Variants in GAS2 observed in about 807,000 individuals in gnomAD.
GAS2 encodes the protein growth arrest-specific protein 2.
A neutral mutation model predicts 37.5 loss-of-function variants in GAS2; 20 were observed. The ratio of observed to expected loss-of-function variants is 0.53; its 90% CI spans 0.37 to 0.77. The LOEUF (loss-of-function observed/expected upper bound fraction) is 0.77, where lower values mean the gene tolerates loss of function less well. GAS2 is among the 30% of genes least tolerant of loss of function. The pLI is 0.00. For synonymous variants in GAS2, 144 were observed against 132.2 expected (o/e 1.09, Z -0.61); for missense variants, 336 against 373.4 (o/e 0.90, Z 0.82).
intron 3 of GAS2, among the ~76,000 whole-genome samples, chr11:22,724,584 G>A (rs952469613): frequency 3.9e-5 from 6 of 151,940 alleles, no homozygotes; most frequent in Non-Finnish European, 5.9e-5. Flanking sequence ...ATCTAGGAAA[G>A]CATTCTTTTG....
At chr11:22,811,452 G>T (rs1857161235) in intron 7 of GAS2, among the ~76,000 whole-genome samples, 1 of 152,162 alleles carries the variant, frequency 6.6e-6, no homozygotes, top group African/African-American at 2.4e-5. Flanking sequence ...GGAGCACTAA[G>T]CTGAGTCAGT....
At chr11:22,763,168 A>G (rs1473393032) in intron 7 of GAS2, among the ~76,000 whole-genome samples, 1 of 152,214 alleles carries the variant, frequency 6.6e-6, no homozygotes, top group African/African-American at 2.4e-5. Flanking sequence ...TTAAATCATC[A>G]CAGATCAATA....
intron 3 of GAS2, chr11:22,702,103 T>C (rs1850872777): frequency 6.6e-6 from 1 of 152,216 alleles, no homozygotes; most frequent in Non-Finnish European, 1.5e-5. Context: ...AAAGTGCTTA[T>C]GTATGGACCT....
intron 7 of GAS2, among the ~76,000 whole-genome samples, chr11:22,783,292 T>C (rs1855658401): frequency 6.6e-6 from 1 of 152,222 alleles, no homozygotes; most frequent in Admixed American, 6.5e-5. Flanking sequence ...TGGGGCTATT[T>C]GTTTTTTGCC....
At chr11:22,658,810 A>G (rs1056676620) in intron 1 of GAS2, among the ~76,000 whole-genome samples, 17 of 152,180 alleles carry the variant, frequency 1.1e-4, no homozygotes, top group Admixed American at 1.3e-4. Flanking sequence ...CTCTCCTCTC[A>G]TTTATTGATT....
chr11:22,648,306 A>G (rs1448311463), intron 1 of GAS2, among the ~76,000 whole-genome samples: 3 of 152,136 alleles, frequency 2.0e-5, no homozygotes, highest in African/African-American at 7.2e-5. Flanking sequence ...TACCAATACC[A>G]TGCTGTTTTG....
At chr11:22,632,218 T>A (rs1858753723) in intron 1 of GAS2, among the ~76,000 whole-genome samples, 1 of 152,180 alleles carries the variant, frequency 6.6e-6, no homozygotes, top group Non-Finnish European at 1.5e-5. Flanking sequence ...TCTCTTCTTT[T>A]CTTGGTTAAA....
chr11:22,698,271 G>T (rs1850644279), intron 3 of GAS2, among the ~76,000 whole-genome samples: 1 of 152,172 alleles, frequency 6.6e-6, no homozygotes, highest in Admixed American at 6.5e-5. Context: ...AAATCTTGAA[G>T]AAATGGATAA....
intron 7 of GAS2, among the ~76,000 whole-genome samples, chr11:22,758,422 GAC>G (rs1854169476): frequency 6.6e-6 from 1 of 152,142 alleles, no homozygotes; most frequent in African/African-American, 2.4e-5. Context: ...TACATACAAT[GAC>G]ACATACATTG....
At chr11:22,729,673 T>TA (rs1328428931) in intron 4 of GAS2, among the ~76,000 whole-genome samples, 1 of 148,888 alleles carries the variant, frequency 6.7e-6, no homozygotes, top group Non-Finnish European at 1.5e-5. Flanking sequence ...ATTAAGATGT[T>TA]AAAATGTTGG....
chr11:22,737,828 A>G (rs1045879713), intron 5 of GAS2, 60 bp downstream of exon 5: 4 of 1,457,638 alleles, frequency 2.7e-6, no homozygotes, highest in East Asian at 2.3e-5. Context: ...CAAGCAACAC[A>G]GAAGCTTGCT....
chr11:22,804,509 G>C (rs749018250), intron 7 of GAS2, among the ~76,000 whole-genome samples: 3 of 152,094 alleles, frequency 2.0e-5, no homozygotes, highest in Non-Finnish European at 4.4e-5. Context: ...GAGGTAGAGG[G>C]CAGAAGCAAA....
At chr11:22,729,244 A>G (rs1025276526) in intron 4 of GAS2, among the ~76,000 whole-genome samples, 2 of 151,954 alleles carry the variant, frequency 1.3e-5, no homozygotes, top group Admixed American at 1.3e-4. Flanking sequence ...TGCATAAAGC[A>G]TCCTTATCCT....
At chr11:22,644,919 C>G (rs1015999978) in intron 1 of GAS2, among the ~76,000 whole-genome samples, 2 of 152,250 alleles carry the variant, frequency 1.3e-5, no homozygotes, top group East Asian at 3.9e-4. Flanking sequence ...CCACCACTAC[C>G]GGCCGCCTAT....
At chr11:22,653,434 G>A (rs985983915) in intron 1 of GAS2, among the ~76,000 whole-genome samples, 6 of 152,096 alleles carry the variant, frequency 3.9e-5, no homozygotes, top group Non-Finnish European at 5.9e-5. Flanking sequence ...GTTAACATTA[G>A]CAAGTATCAA....
At chr11:22,688,992 TG>T (rs952337838) in intron 3 of GAS2, among the ~76,000 whole-genome samples, 4 of 152,008 alleles carry the variant, frequency 2.6e-5, no homozygotes, top group Non-Finnish European at 5.9e-5. Context: ...TGCAGAAACA[TG>T]GGGGCAGCTG....
intron 1 of GAS2, among the ~76,000 whole-genome samples, chr11:22,654,062 C>G (rs1445634627): frequency 1.3e-5 from 2 of 152,216 alleles, no homozygotes; most frequent in Non-Finnish European, 2.9e-5. Flanking sequence ...GTTTTCCCAC[C>G]TGATGCCCCA....
intron 7 of GAS2, among the ~76,000 whole-genome samples, chr11:22,765,827 T>C (rs1854662069): frequency 6.6e-6 from 1 of 150,642 alleles, no homozygotes; most frequent in South Asian, 2.1e-4. Flanking sequence ...ATAAAGAATA[T>C]AGGTTTAATT....
chr11:22,722,609 A>G (rs1032600531), intron 3 of GAS2, among the ~76,000 whole-genome samples: 5 of 151,788 alleles, frequency 3.3e-5, no homozygotes, highest in African/African-American at 9.7e-5. Context: ...AAGGTATTAA[A>G]TTTTTCAGTT....
Sources: allele counts gnomAD v4.1 joint callset (sites outside exome capture counted in the v4.1 genomes callset), GRCh38; gene constraint gnomAD v4.1.1; transcripts MANE v1.5; gene names NCBI Gene and HGNC (gene_info 2026-07-23, HGNC 2026-07-21).